The following SYNE1 variants were observed in gnomAD, a reference collection of about 807,000 sequenced individuals.
SYNE1 encodes the protein spectrin repeat containing nuclear envelope protein 1, also known as nesprin-1.
Under a neutral mutation model 1,111.0 loss-of-function variants are expected in SYNE1, and 616 were observed. The observed-to-expected ratio is 0.55, with a 90% CI of 0.52 to 0.59. The LOEUF (loss-of-function observed/expected upper bound fraction) is 0.59, where lower values mean the gene tolerates loss of function less well. Ranked by LOEUF, SYNE1 falls within the 20% of genes least tolerant of loss-of-function variation. SYNE1 has a pLI of 0.00. For synonymous variants in SYNE1, 3,855 were observed against 3,825.8 expected, an observed-to-expected ratio of 1.01 and a Z score of -0.28; for missense variants, 10,006 against 10,417.0, an observed-to-expected ratio of 0.96 and a Z score of 1.72.
At chr6:152,565,922 A>G (rs144041671) in intron 3 of SYNE1, among the ~76,000 whole-genome samples, 94 of 152,332 alleles carry the variant, frequency 6.2e-4, no homozygotes, top group African/African-American at 2.1e-3. Context: ...GACTCAAGAA[A>G]CATTTACTGC....
chr6:152,315,917 C>T (rs182204543), intron 87 of SYNE1: 5 of 152,100 alleles, frequency 3.3e-5, no homozygotes, highest in African/African-American at 1.2e-4. Flanking sequence ...ATCTAGAACC[C>T]TGTAAACAAG....
At chr6:152,234,053 C>G in intron 111 of SYNE1, 90 bp from the exon 112 acceptor site, 1 of 1,315,732 alleles carries the variant, frequency 7.6e-7, no homozygotes, top group African/African-American at 1.4e-5. Context: ...GAAACAATTT[C>G]CTTTACATCC....
At chr6:152,477,103 A>G (rs537182432) in intron 14 of SYNE1, among the ~76,000 whole-genome samples, 5 of 152,318 alleles carry the variant, frequency 3.3e-5, no homozygotes, top group African/African-American at 1.2e-4. Flanking sequence ...ACACATTTTT[A>G]GAAAGTATGC....
chr6:152,269,417 T>TA (rs895271656), intron 98 of SYNE1, 131 bp from the exon 99 acceptor site: 4 of 1,336,868 alleles, frequency 3.0e-6, no homozygotes, highest in Admixed American at 2.0e-5. Context: ...GAAACCACAT[T>TA]TTTTAAAAAA....
chr6:152,534,589 T>A (rs1188615482), intron 4 of SYNE1, among the ~76,000 whole-genome samples: 1 of 152,232 alleles, frequency 6.6e-6, no homozygotes, highest in Non-Finnish European at 1.5e-5. Context: ...TCATCTCACC[T>A]ACTTATTGTA....
At position 152,321,730 on chromosome 6, in the gene SYNE1, T is replaced by C. The variant is rs1044077257; in HGVS notation, c.16074A>G (p.Glu5358=). 1.2e-6 allele frequency: 2 copies of C among 1,614,074 alleles called. No homozygotes were observed. Among genetic ancestry groups the C allele is most frequent in the Non-Finnish European group, 1.7e-6 (2 of 1,179,958 alleles). ...GGAGACTTTTTTGTACCTGAAGTTC[T>C]TCAAGTTGAGCATCTATTTCTATTG... ...NPTIEIDAQL[E]ELQILLTEAT... is the part of the protein sequence containing the mutation. Residue 5358 remains glutamate (E), a synonymous_variant, in exon 83 of 146, where the codon GAA becomes GAG. Transcript: ENST00000367255.
chr6:152,345,896 A>T (rs766043082), intron 73 of SYNE1, among the ~76,000 whole-genome samples: 1 of 152,226 alleles, frequency 6.6e-6, no homozygotes, highest in Non-Finnish European at 1.5e-5. Context: ...ACTTAAGTGT[A>T]AGTCATATTT....
rs2056394286 is a variant in SYNE1, at chr6:152,133,698, T to C, written c.25789-210A>G. 1.0e-5 allele frequency: 6 copies of C among 597,176 alleles called. No individual in the cohort carries two copies. The East Asian group carries it at 1.7e-4, about 17-fold the overall frequency. 37.0% of individuals were successfully genotyped at this position (597,176 alleles called of 1,614,324 possible). Reference sequence around the variant, plus strand: ...ATTCTATAAGACCCCTGACCGTCTCTGATCTCAGTTTGATTTGATGCCTGG... The same window carrying C: ...ATTCTATAAGACCCCTGACCGTCTCCGATCTCAGTTTGATTTGATGCCTGG... On this transcript the variant is annotated intron_variant, in intron 142 of 145. Coordinates refer to ENST00000367255, the MANE Select transcript of SYNE1 (RefSeq NM_182961.4).
At chr6:152,202,008 GA>G in intron 126 of SYNE1, 59 bp from the exon 127 acceptor site, 2 of 1,574,602 alleles carry the variant, frequency 1.3e-6, no homozygotes, top group Non-Finnish European at 8.7e-7. Context: ...ACTGGGGGGG[GA>G]AAAGAAAAGA....
At chr6:152,546,363 T>C (rs1318936740) in intron 3 of SYNE1, 4 of 152,204 alleles carry the variant, frequency 2.6e-5, no homozygotes, top group Non-Finnish European at 5.9e-5. Context: ...TCCTTTGCAA[T>C]GTGATTTTAT....
rs146768703 is a variant in SYNE1 at position 152,417,065 on chromosome 6, G to A, written c.5422-50C>T. On this transcript the variant is annotated intron_variant, in intron 40 of 145. Transcript: ENST00000367255. ...ATTCCTGAGATACACTACAGTCTAT[G>A]GCAGAGGTATTTTACAGGATTTGTG... 9 of 1,608,552 alleles carry A rather than the reference G, an allele frequency of 5.6e-6. No homozygotes were observed. In the African/African-American group the frequency reaches 8.0e-5, roughly 14 times the overall value.
chr6:152,444,635 T>C (rs907885299), intron 29 of SYNE1, 57 bp from the exon 30 acceptor site: 4 of 1,527,134 alleles, frequency 2.6e-6, no homozygotes, highest in Non-Finnish European at 2.7e-6. Context: ...TTGAAGTTTG[T>C]ATAATTTTTT....
intron 3 of SYNE1, among the ~76,000 whole-genome samples, chr6:152,600,204 T>A (rs2099592875): frequency 6.6e-6 from 1 of 151,872 alleles, no homozygotes; most frequent in Admixed American, 6.6e-5. Context: ...TCAGAAGAGG[T>A]GACGAAACAA....
chr6:152,606,858 G>A (rs1442264561), intron 3 of SYNE1, among the ~76,000 whole-genome samples: 1 of 150,860 alleles, frequency 6.6e-6, no homozygotes, highest in East Asian at 2.0e-4. Flanking sequence ...GTTTCACCAT[G>A]TTAGCCAGGA....
chr6:152,571,951 TG>T, intron 3 of SYNE1, among the ~76,000 whole-genome samples: 1 of 152,190 alleles, frequency 6.6e-6, no homozygotes, highest in Non-Finnish European at 1.5e-5. Flanking sequence ...AAAATTTCCT[TG>T]CCAGGAAATT....
chr6:152,199,921 A>G (rs1005373716), intron 127 of SYNE1, among the ~76,000 whole-genome samples: 1 of 152,222 alleles, frequency 6.6e-6, no homozygotes, highest in Non-Finnish European at 1.5e-5. Flanking sequence ...TTTTTGGGAG[A>G]TAAAAAATGA....
chr6:152,258,994 C>A (rs1490825705), intron 101 of SYNE1, among the ~76,000 whole-genome samples: 2 of 152,138 alleles, frequency 1.3e-5, no homozygotes, highest in African/African-American at 4.8e-5. Flanking sequence ...ATCCGCCCGC[C>A]TCAGCCTCCC....
chr6:152,148,391 T>A lies in SYNE1; in HGVS notation c.24643-13A>T. On this transcript the variant is annotated splice_polypyrimidine_tract_variant and intron_variant, in intron 136 of 145. Coordinates refer to ENST00000367255, the MANE Select transcript of SYNE1 (RefSeq NM_182961.4). This position sits in a 1 kb window ranked among gnomAD's most constrained non-coding sequence, Gnocchi z 4.1. ...CATCGTCTGGGAGCTAGAAGGGAAG[T>A]CAAGGCAACCCTGTCACTGTAGTGG... 1 of 1,611,590 alleles carries A rather than the reference T, an allele frequency of 6.2e-7. No homozygotes were observed. Among genetic ancestry groups the A allele is most frequent in the Non-Finnish European group, 8.5e-7 (1 of 1,179,158 alleles).
intron 100 of SYNE1, among the ~76,000 whole-genome samples, chr6:152,265,436 TATA>T (rs1294012847): frequency 1.3e-5 from 2 of 152,136 alleles, no homozygotes; most frequent in African/African-American, 4.8e-5. Flanking sequence ...GTTGAGTGTC[TATA>T]ATATTAGTAT....
Sources: gnomAD v4.1 joint callset for allele counts (sites outside exome capture counted in the v4.1 genomes callset) on GRCh38, gnomAD v4.1.1 for gene constraint, Gnocchi (gnomAD v3.1) non-coding constraint, MANE v1.5 for transcripts, NCBI Gene and HGNC (gene_info 2026-07-23, HGNC 2026-07-21) for gene names.